Variants in CRY1 observed in about 807,000 individuals in gnomAD.
The protein encoded by CRY1 is cryptochrome-1.
Under a neutral mutation model 76.0 loss-of-function variants are expected in CRY1, and 45 were observed. That is an observed-to-expected ratio of 0.59 (90% CI 0.47 to 0.76). CRY1 has a LOEUF of 0.76. Among genes scored for constraint, CRY1 ranks in the 30% least tolerant of loss-of-function variants. The pLI is 0.00. For synonymous variants in CRY1, 248 were observed against 244.0 expected (o/e 1.02, Z -0.15); for missense variants, 587 against 716.4 (o/e 0.82, Z 2.06).
At chr12:107,013,004 A>C (rs1952462044) in intron 2 of CRY1, among the ~76,000 whole-genome samples, 1 of 152,210 alleles carries the variant, frequency 6.6e-6, no homozygotes, top group Admixed American at 6.5e-5. Flanking sequence ...CCTGAAATGG[A>C]ATCTACTGCT....
At chr12:107,073,921 T>C (rs2136894985) in intron 1 of CRY1, among the ~76,000 whole-genome samples, 1 of 152,328 alleles carries the variant, frequency 6.6e-6, no homozygotes, top group Admixed American at 6.5e-5. Context: ...TATCCCACTG[T>C]TACCCTAACC....
rs190733733 is a variant in CRY1 at position 107,005,282 on chromosome 12, A to G, written c.268-34T>C. On this transcript the variant is annotated intron_variant, in intron 2 of 12. Transcript: ENST00000008527. ...AGAGAAAGGGGAACAATGTACACCA[A>G]TTGTAATAGTTATTTTTTCTATTAT... The G allele has an allele frequency of 4.9e-5, 76 of 1,554,032 alleles. No homozygotes were observed. The East Asian group carries it at 1.5e-3, about 31-fold the overall frequency.
At chr12:107,080,738 G>A (rs1445283466) in intron 1 of CRY1, among the ~76,000 whole-genome samples, 1 of 152,054 alleles carries the variant, frequency 6.6e-6, no homozygotes, top group African/African-American at 2.4e-5. Flanking sequence ...TGGTAGAGTG[G>A]GTGGGAGTGA....
intron 12 of CRY1, chr12:106,992,277 G>C (rs1364065600): frequency 1.3e-5 from 2 of 152,010 alleles, no homozygotes; most frequent in Non-Finnish European, 2.9e-5. Context: ...ATGCAGGCAA[G>C]GCTTTCTGAT....
intron 2 of CRY1, among the ~76,000 whole-genome samples, chr12:107,010,360 C>T (rs1379917503): frequency 6.6e-6 from 1 of 152,098 alleles, no homozygotes; most frequent in African/African-American, 2.4e-5. Context: ...AGACAAAAAT[C>T]ACATCAGCAA....
At chr12:107,005,816 T>C (rs973936288) in intron 2 of CRY1, among the ~76,000 whole-genome samples, 2 of 152,108 alleles carry the variant, frequency 1.3e-5, no homozygotes, top group African/African-American at 4.8e-5. Flanking sequence ...AACTGAAAAA[T>C]TTGGAGATGG....
At chr12:107,035,142 CA>C (rs1565832289) in intron 1 of CRY1, among the ~76,000 whole-genome samples, 3 of 152,196 alleles carry the variant, frequency 2.0e-5, no homozygotes, top group African/African-American at 7.2e-5. Context: ...AGCCCTATTT[CA>C]AATTTCTGTC....
chr12:107,092,659 T>G, intron 1 of CRY1, 145 bp downstream of exon 1: 1 of 1,192,982 alleles, frequency 8.4e-7, no homozygotes, highest in Non-Finnish European at 1.2e-6. Context: ...CAATTCTATT[T>G]AATACTTAGG....
At chr12:107,050,568 G>T (rs891379249) in intron 1 of CRY1, among the ~76,000 whole-genome samples, 1 of 152,094 alleles carries the variant, frequency 6.6e-6, no homozygotes, top group Non-Finnish European at 1.5e-5. Context: ...TGCCACAATT[G>T]TAAGTTTCCT....
At chr12:107,086,689 C>CAGG (rs1315551039) in intron 1 of CRY1, among the ~76,000 whole-genome samples, 5 of 152,214 alleles carry the variant, frequency 3.3e-5, no homozygotes, top group Non-Finnish European at 5.9e-5. Context: ...GTTAAGTCTG[C>CAGG]AGGTATACAG....
At chr12:107,070,866 A>G (rs75510238) in intron 1 of CRY1, among the ~76,000 whole-genome samples, 2 of 76,540 alleles carry the variant, frequency 2.6e-5, no homozygotes, top group South Asian at 4.6e-4. Flanking sequence ...ATGCCTGGCT[A>G]ATTTTTTTTT....
intron 1 of CRY1, among the ~76,000 whole-genome samples, chr12:107,071,688 G>A (rs1027431759): frequency 2.6e-5 from 4 of 151,864 alleles, no homozygotes; most frequent in African/African-American, 4.8e-5. Flanking sequence ...CTAGCAAGTC[G>A]AAGAAAGAAA....
At chr12:107,025,890 C>G (rs1419547450) in intron 1 of CRY1, among the ~76,000 whole-genome samples, 1 of 151,286 alleles carries the variant, frequency 6.6e-6, no homozygotes, top group East Asian at 2.0e-4. Flanking sequence ...ACTTCTCTTT[C>G]AGCACACATT....
intron 1 of CRY1, among the ~76,000 whole-genome samples, chr12:107,045,580 C>T (rs1393729224): frequency 2.6e-5 from 4 of 152,218 alleles, no homozygotes; most frequent in Non-Finnish European, 5.9e-5. Context: ...ATGCCTATGT[C>T]CCGAATGGTA....
At chr12:107,047,903 A>C (rs888076355) in intron 1 of CRY1, among the ~76,000 whole-genome samples, 1 of 152,202 alleles carries the variant, frequency 6.6e-6, no homozygotes, top group African/African-American at 2.4e-5. Flanking sequence ...GAAAAAAACC[A>C]ATCAAGGTTG....
chr12:107,022,845 T>TAAAA (rs11308588), intron 1 of CRY1, among the ~76,000 whole-genome samples: 1 of 131,024 alleles, frequency 7.6e-6, no homozygotes, highest in African/African-American at 2.7e-5. Context: ...GATTAACTTC[T>TAAAA]AAAAAAAAAA....
At chr12:107,037,877 T>G (rs1354304308) in intron 1 of CRY1, among the ~76,000 whole-genome samples, 1 of 151,974 alleles carries the variant, frequency 6.6e-6, no homozygotes, top group Non-Finnish European at 1.5e-5. Context: ...CCTGGCTAAC[T>G]TTTTAATTTT....
chr12:107,076,586 G>A (rs1317258188), intron 1 of CRY1, among the ~76,000 whole-genome samples: 1 of 146,654 alleles, frequency 6.8e-6, no homozygotes, highest in Non-Finnish European at 1.5e-5. Context: ...CTACACTCCA[G>A]CCTGCGTGAC....
intron 8 of CRY1, 87 bp from the exon 9 acceptor site, chr12:106,997,777 G>A: frequency 6.5e-7 from 1 of 1,541,226 alleles, no homozygotes; most frequent in Non-Finnish European, 8.8e-7. Context: ...ATCAAATCAA[G>A]ACCATTTAAA....
Sources: gnomAD v4.1 joint callset for allele counts (sites outside exome capture counted in the v4.1 genomes callset) on GRCh38, gnomAD v4.1.1 for gene constraint, MANE v1.5 for transcripts, NCBI Gene and HGNC (gene_info 2026-07-23, HGNC 2026-07-21) for gene names.